The following PTRHD1 variants were observed in gnomAD, a reference collection of about 807,000 sequenced individuals.
PTRHD1 encodes the protein peptidyl-tRNA hydrolase domain containing 1.
PTRHD1 carries 12 observed loss-of-function variants against 13.6 expected under a neutral mutation model. That is an observed-to-expected ratio of 0.88 (90% CI 0.57 to 1.43). The LOEUF is 1.43. PTRHD1 is among the 40% of genes most tolerant of loss of function. PTRHD1 has a pLI of 0.00. For synonymous variants in PTRHD1, 86 were observed against 79.5 expected (o/e 1.08, Z -0.43); for missense variants, 203 against 184.7 (o/e 1.10, Z -0.57).
intron 1 of PTRHD1, 39 bp downstream of exon 1, chr2:24,793,087 C>A: frequency 1.3e-6 from 2 of 1,592,382 alleles, no homozygotes; most frequent in Non-Finnish European, 1.7e-6. Context: ...CTTCCGCCCT[C>A]GATGTCTCAG....
chr2:24,790,962 C>T lies in PTRHD1; in HGVS notation c.253-381G>A, dbSNP rs6747641. 8.6e-3 allele frequency among the ~76,000 whole-genome samples: 1,291 copies of T among 149,456 alleles called. 16 individuals are homozygous for T. Among genetic ancestry groups the T allele is most frequent in the African/African-American group, 0.03 (1,203 of 40,646 alleles). On this transcript the variant is annotated intron_variant, in intron 1 of 1. Coordinates refer to ENST00000328379, the MANE Select transcript of PTRHD1 (RefSeq NM_001013663.2). ...CTTTTGAGACAGAGTCTTGCTCTGTCGCCTGGGCTAGAGTGCAGTGGCACG... is the reference window on the plus strand; with the variant it reads ...CTTTTGAGACAGAGTCTTGCTCTGTTGCCTGGGCTAGAGTGCAGTGGCACG...
In PTRHD1 at chr2:24,793,378, C is replaced by T. The variant is rs1413467119; in HGVS notation, c.-1G>A. ...AGGCCGGACCTACTCCCCGGTGCAT[C>T]TTGGGATCAGGGCGGGGCCCTGAGC... On this transcript the variant is annotated 5_prime_UTR_variant, in exon 1 of 2. Transcript: ENST00000328379. The T allele has an allele frequency of 3.1e-6, 5 of 1,613,256 alleles. No homozygotes were observed. The highest frequency in any genetic ancestry group is 1.7e-6 in the Non-Finnish European group (2 of 1,179,770).
chr2:24,790,948 G>C (rs1403397072), intron 1 of PTRHD1, among the ~76,000 whole-genome samples: 1 of 148,904 alleles, frequency 6.7e-6, no homozygotes, highest in East Asian at 2.0e-4. Context: ...TTTTGAGACA[G>C]AGTCTTGCTC....
rs764775269 is a variant in PTRHD1 at position 24,790,479 on chromosome 2, T to G, written c.355A>C (p.Ile119Leu). The change falls in exon 2 of 2, where the codon ATT becomes CTT. Residue 119 changes from isoleucine (I) to leucine (L), a missense_variant. Transcript: ENST00000328379. ...LEQPENIATCIALRPYPKEEV... is the reference protein window; with the variant it reads ...LEQPENIATCLALRPYPKEEV... ...TCCTTGGGGTAGGGCCGGAGAGCAA[T>G]ACAAGTGGCGATATTCTCTGGTTGC... 1.9e-5 allele frequency: 30 copies of G among 1,614,036 alleles called. No individual in the cohort carries two copies. The highest frequency in any genetic ancestry group is 1.6e-4 in the Middle Eastern group (1 of 6,084).
At chr2:24,790,697 A>T (rs776778758) in intron 1 of PTRHD1, 116 bp from the exon 2 acceptor site, 1 of 852,230 alleles carries the variant, frequency 1.2e-6, no homozygotes, top group Admixed American at 2.8e-5. Flanking sequence ...TTTACCAAGG[A>T]GGGAGCTGCA....
Position 24,790,375 on chromosome 2 carries a change from G to A in PTRHD1, c.*36C>T, listed in dbSNP as rs778592639. ...CAAGGAACACATGATGCTTTGGAAT[G>A]GGTGGCCTGCGTATTCAAACACATC... On this transcript the variant is annotated 3_prime_UTR_variant, in exon 2 of 2. Transcript: ENST00000328379. 33 of 1,595,330 alleles carry A rather than the reference G, an allele frequency of 2.1e-5. No individual in the cohort carries two copies. The East Asian group carries it at 7.2e-4, about 35-fold the overall frequency.
At chr2:24,790,649 G>T in intron 1 of PTRHD1, 68 bp from the exon 2 acceptor site, 1 of 1,465,396 alleles carries the variant, frequency 6.8e-7, no homozygotes, top group Admixed American at 2.1e-5. Flanking sequence ...GCCAAAAAAG[G>T]TTTCGGGAGT....
intron 1 of PTRHD1, chr2:24,792,904 T>C (rs1665668912): frequency 1.6e-6 from 1 of 612,760 alleles, no homozygotes; most frequent in African/African-American, 1.9e-5. Flanking sequence ...GAGCCACCAC[T>C]TTACCGCGAG....
In PTRHD1 at chr2:24,790,402, A is replaced by G. The variant is rs1215788083; in HGVS notation, c.*9T>C. ...GTGGCCTGCGTATTCAAACACATCA[A>G]AGCAGCAGTTACTTGAACAATCGGA... On this transcript the variant is annotated 3_prime_UTR_variant, in exon 2 of 2. Coordinates refer to ENST00000328379, the MANE Select transcript of PTRHD1 (RefSeq NM_001013663.2). 6.2e-7 allele frequency: 1 copy of G among 1,612,660 alleles called. No individual in the cohort carries two copies. The highest frequency in any genetic ancestry group is 8.5e-7 in the Non-Finnish European group (1 of 1,179,100).
intron 1 of PTRHD1, 53 bp downstream of exon 1, chr2:24,793,073 C>T: frequency 1.3e-6 from 2 of 1,574,098 alleles, no homozygotes; most frequent in Non-Finnish European, 1.7e-6. Context: ...GAAGACCACA[C>T]CCACTTCCGC....
chr2:24,792,024 C>A (rs1665638755), intron 1 of PTRHD1, among the ~76,000 whole-genome samples: 3 of 152,164 alleles, frequency 2.0e-5, no homozygotes, highest in Admixed American at 6.5e-5. Flanking sequence ...GAGAGTTTCA[C>A]CTGCGACAAG....
chr2:24,792,986 G>A, intron 1 of PTRHD1, 140 bp downstream of exon 1: 2 of 1,052,994 alleles, frequency 1.9e-6, no homozygotes, highest in Admixed American at 5.1e-5. Flanking sequence ...CACCTCCAGG[G>A]AAACAGCTCC....
At chr2:24,792,782 G>C (rs985181530) in intron 1 of PTRHD1, 1 of 346,344 alleles carries the variant, frequency 2.9e-6, no homozygotes, top group Non-Finnish European at 5.3e-6. Flanking sequence ...TAAATACTCA[G>C]TTTGACTTCA....
chr2:24,790,370 G>C lies in PTRHD1; in HGVS notation c.*41C>G. On this transcript the variant is annotated 3_prime_UTR_variant, in exon 2 of 2. Transcript: ENST00000328379. The stretch of plus-strand genomic sequence containing the variant: ...CACTGCAAGGAACACATGATGCTTT[G>C]GAATGGGTGGCCTGCGTATTCAAAC... 5 of 1,590,794 alleles carry C rather than the reference G, an allele frequency of 3.1e-6. No homozygotes were observed. The highest frequency in any genetic ancestry group is 4.3e-6 in the Non-Finnish European group (5 of 1,166,404).
In PTRHD1 at chr2:24,793,043, CGCAGCCAG is replaced by C. The variant is rs1665675186; in HGVS notation, c.252+75_252+82del. The C allele has an allele frequency of 2.7e-6, 4 of 1,482,566 alleles. No individual in the cohort carries two copies. The East Asian group carries it at 9.8e-5, about 36-fold the overall frequency. The allele number at this position is 1,482,566 out of a possible 1,614,324, so 91.8% of individuals were successfully genotyped here. On this transcript the variant is annotated intron_variant, in intron 1 of 1. Coordinates refer to ENST00000328379, the MANE Select transcript of PTRHD1 (RefSeq NM_001013663.2). ...CCCAACTCCCGCCGCACCCACTCCC[CGCAGCCAG>C]GCCTTCGGACCGAAGACCACACCCA...
In PTRHD1 at chr2:24,793,309, C is replaced by T. The variant is rs374867003; in HGVS notation, c.69G>A (p.Gln23=). Residue 23 remains glutamine (Q), a synonymous_variant, in exon 1 of 2, where the codon CAG becomes CAA. Coordinates refer to ENST00000328379, the MANE Select transcript of PTRHD1 (RefSeq NM_001013663.2). The part of the protein sequence containing the change: ...RKMAASGAEP[Q]VLVQYLVLRK... ...GTAACACCAAGTATTGTACCAGGAC[C>T]TGCGGCTCCGCCCCAGAGGCCGCCA... 1.9e-6 allele frequency: 3 copies of T among 1,613,904 alleles called. No individual in the cohort carries two copies. The highest frequency in any genetic ancestry group is 2.5e-6 in the Non-Finnish European group (3 of 1,180,044).
rs1296857661 is a variant in PTRHD1 at position 24,790,438 on chromosome 2, A to G, written c.396T>C (p.Tyr132=). 1 of 1,614,118 alleles carries G rather than the reference A, an allele frequency of 6.2e-7. No individual in the cohort carries two copies. The highest frequency in any genetic ancestry group is 1.3e-5 in the African/African-American group (1 of 75,046). The part of the protein sequence containing the change: ...RPYPKEEVGQ[Y]LKKFRLFK ...ACTTGAACAATCGGAACTTCTTCAA[A>G]TACTGGCCCACTTCTTCCTTGGGGT... Residue 132 remains tyrosine, a synonymous_variant, in exon 2 of 2, where the codon TAT becomes TAC. Coordinates refer to ENST00000328379, the MANE Select transcript of PTRHD1 (RefSeq NM_001013663.2).
rs762519570 is a variant in PTRHD1, at chr2:24,790,578, G to T, written c.256C>A (p.Pro86Thr). 4 of 1,612,220 alleles carry T rather than the reference G, an allele frequency of 2.5e-6. No individual in the cohort carries two copies. The East Asian group carries it at 8.9e-5, about 36-fold the overall frequency. Residue 86 changes from proline to threonine, a missense_variant, in exon 2 of 2, where the codon CCA becomes ACA. Transcript: ENST00000328379. Reference sequence around the variant, plus strand: ...AGCTCCTTTAGGGTGGTCTCATCTGGGGCCTAAAGGAGAAGAACACAGAAC... The same window carrying T: ...AGCTCCTTTAGGGTGGTCTCATCTGTGGCCTAAAGGAGAAGAACACAGAAC... ...GRMRKVVLEA[P>T]DETTLKELAE...
chr2:24,790,686 CT>C, intron 1 of PTRHD1, 105 bp from the exon 2 acceptor site: 1 of 1,020,186 alleles, frequency 9.8e-7, no homozygotes. Context: ...GGAGTAACAG[CT>C]TTACCAAGGA....
Sources: gnomAD v4.1 joint callset for allele counts (sites outside exome capture counted in the v4.1 genomes callset) on GRCh38, gnomAD v4.1.1 for gene constraint, MANE v1.5 for transcripts, NCBI Gene and HGNC (gene_info 2026-07-23, HGNC 2026-07-21) for gene names.